The following PALS1 variants were observed in gnomAD, a reference collection of about 807,000 sequenced individuals.
PALS1 encodes protein PALS1.
A neutral mutation model predicts 78.9 loss-of-function variants in PALS1; 31 were observed. That is an observed-to-expected ratio of 0.39 (90% CI 0.30 to 0.53). The LOEUF (loss-of-function observed/expected upper bound fraction) is 0.53, where lower values mean the gene tolerates loss of function less well. Ranked by LOEUF, PALS1 falls within the 20% of genes least tolerant of loss-of-function variation. PALS1 has a pLI of 0.67. For missense variants in PALS1, 704 were observed against 826.5 expected (o/e 0.85, Z 1.82); for synonymous variants, 276 against 270.9 (o/e 1.02, Z -0.18).
intron 1 of PALS1, among the ~76,000 whole-genome samples, chr14:67,269,106 A>G (rs1452979592): frequency 2.0e-5 from 3 of 152,288 alleles, no homozygotes; most frequent in East Asian, 1.9e-4. Context: ...GATATTTCAT[A>G]AATAGAATCA....
chr14:67,271,547 G>A (rs1408456146), intron 2 of PALS1: 1 of 152,230 alleles, frequency 6.6e-6, no homozygotes, highest in African/African-American at 2.4e-5. Flanking sequence ...TAGGATTCCA[G>A]AGGACAGTGT....
Position 67,302,467 on chromosome 14 carries a change from G to A in PALS1, c.859G>A (p.Gly287Ser), listed in dbSNP as rs1458044770. The change falls in exon 7 of 15, where the codon GGT becomes AGT. Residue 287 changes from glycine (G) to serine (S), a missense_variant. By Grantham distance (56) the Gly-to-Ser change is moderately conservative (BLOSUM62 0). Transcript: ENST00000261681. The stretch of plus-strand genomic sequence containing the variant: ...CATCATTAGCCGGATAGTAAAAGGG[G>A]GTGCTGCAGAGAAAAGTGGTCTGTT... ...SVIISRIVKG[G>S]AAEKSGLLHE... 2.5e-6 allele frequency: 4 copies of A among 1,599,106 alleles called. No homozygotes were observed. In the Admixed American group the frequency reaches 6.9e-5, roughly 28 times the overall value.
intron 3 of PALS1, among the ~76,000 whole-genome samples, chr14:67,282,757 C>G (rs1044095743): frequency 6.6e-6 from 1 of 152,200 alleles, no homozygotes; most frequent in South Asian, 2.1e-4. Context: ...TGCTTTGTTA[C>G]AAATATTATT....
Position 67,306,887 on chromosome 14 carries a change from T to C in PALS1, c.1041+3288T>C, listed in dbSNP as rs1449937602. The stretch of plus-strand genomic sequence containing the variant: ...GAAATTAGAACCAATTTATTGAGTA[T>C]CATTATGGTACAGGTCAGCATCTGT... On this transcript the variant is annotated intron_variant, in intron 8 of 14. Transcript: ENST00000261681. Among the ~76,000 whole-genome samples, 2 of 152,206 alleles carry C rather than the reference T, an allele frequency of 1.3e-5. 1 individual carries two copies.
Position 67,269,764 on chromosome 14 carries a change from G to T in PALS1, c.-173G>T, listed in dbSNP as rs1470806162. ...AGAAACTAAAAGGACAGTAGAAAAGGCTTTTCCAGTTTGCATAATGTAAGT... is the reference window on the plus strand; with the variant it reads ...AGAAACTAAAAGGACAGTAGAAAAGTCTTTTCCAGTTTGCATAATGTAAGT... On this transcript the variant is annotated 5_prime_UTR_variant, in exon 2 of 15. Transcript: ENST00000261681. 6.6e-6 allele frequency: 1 copy of T among 152,598 alleles called. No individual in the cohort carries two copies. Among genetic ancestry groups the T allele is most frequent in the Non-Finnish European group, 1.5e-5 (1 of 68,036 alleles). The allele number at this position is 152,598 out of a possible 1,614,324, so 9.5% of individuals were successfully genotyped here.
rs549390014 is a variant in PALS1 at position 67,333,023 on chromosome 14, G to A, written c.*67G>A. ...AAAACTGCCAATAGGAGGACTGCCC[G>A]ACACTGCAGCAAGATTGAGGATAAG... On this transcript the variant is annotated 3_prime_UTR_variant, in exon 15 of 15. Coordinates refer to ENST00000261681, the MANE Select transcript of PALS1 (RefSeq NM_022474.4). 42 of 1,368,430 alleles carry A rather than the reference G, an allele frequency of 3.1e-5. No homozygotes were observed. In the African/African-American group the frequency reaches 4.7e-4, roughly 15 times the overall value. 84.8% of individuals were successfully genotyped at this position (1,368,430 alleles called of 1,614,324 possible).
chr14:67,308,064 A>G (rs1234884545), intron 8 of PALS1, among the ~76,000 whole-genome samples: 1 of 152,038 alleles, frequency 6.6e-6, no homozygotes, highest in Non-Finnish European at 1.5e-5. Flanking sequence ...AACAACACAC[A>G]CTAGGGTCTT....
rs772159251 is a variant in PALS1 at position 67,320,299 on chromosome 14, G to A, written c.1439G>A (p.Arg480Lys). ...TATCATCAGCCAGCAAATAGGAAGA[G>A]ACCTATCATCTTGATTGGTCCACAG... ...SLYHQPANRK[R>K]PIILIGPQNC... The change falls in exon 12 of 15, where the codon AGA becomes AAA. Residue 480 changes from arginine to lysine, a missense_variant. By Grantham distance (26) the Arg-to-Lys change is conservative (BLOSUM62 2). Transcript: ENST00000261681. 6.2e-7 allele frequency: 1 copy of A among 1,613,796 alleles called. No homozygotes were observed. Among genetic ancestry groups the A allele is most frequent in the Non-Finnish European group, 8.5e-7 (1 of 1,179,872 alleles).
At chr14:67,288,645 T>C (rs78828378) in intron 3 of PALS1, among the ~76,000 whole-genome samples, 27 of 152,224 alleles carry the variant, frequency 1.8e-4, no homozygotes, top group African/African-American at 6.3e-4. Flanking sequence ...TTAAGTGTTA[T>C]CCTATTTTGC....
chr14:67,332,727 T>A, intron 14 of PALS1, 53 bp from the exon 15 acceptor site: 3 of 1,536,968 alleles, frequency 2.0e-6, no homozygotes, highest in Non-Finnish European at 2.7e-6. Flanking sequence ...ACTCATCCTA[T>A]ATTATTTGGT....
intron 14 of PALS1, among the ~76,000 whole-genome samples, chr14:67,324,299 CAT>C (rs2085314251): frequency 6.6e-6 from 1 of 152,110 alleles, no homozygotes; most frequent in South Asian, 2.1e-4. Flanking sequence ...TAGTCCATGT[CAT>C]ATTAAACATT....
intron 14 of PALS1, among the ~76,000 whole-genome samples, chr14:67,329,376 G>A (rs993499703): frequency 1.3e-5 from 2 of 152,076 alleles, no homozygotes; most frequent in Admixed American, 6.5e-5. Flanking sequence ...GGAGATTTTG[G>A]GCTGAGACGA....
intron 3 of PALS1, among the ~76,000 whole-genome samples, chr14:67,291,379 C>T (rs983306118): frequency 2.0e-5 from 3 of 152,044 alleles, no homozygotes; most frequent in Non-Finnish European, 4.4e-5. Context: ...AGGCGCCTGC[C>T]ACTGTGCAGG....
intron 1 of PALS1, among the ~76,000 whole-genome samples, chr14:67,245,369 C>G (rs1425734561): frequency 6.6e-6 from 1 of 152,048 alleles, no homozygotes; most frequent in Non-Finnish European, 1.5e-5. Context: ...TGGGATTTTT[C>G]TTTGCATTTC....
At chr14:67,254,099 A>G (rs1409647070) in intron 1 of PALS1, 5 of 125,398 alleles carry the variant, frequency 4.0e-5, no homozygotes, top group African/African-American at 1.6e-4. Context: ...CTACAGTTCT[A>G]GTGTGGCATT....
chr14:67,325,708 A>C (rs2085342351), intron 14 of PALS1, among the ~76,000 whole-genome samples: 1 of 152,126 alleles, frequency 6.6e-6, no homozygotes, highest in South Asian at 2.1e-4. Flanking sequence ...CCACTTCCTA[A>C]CATGCACACT....
intron 8 of PALS1, chr14:67,304,100 A>G (rs2140904081): frequency 6.5e-6 from 1 of 153,490 alleles, no homozygotes; most frequent in South Asian, 2.0e-4. Flanking sequence ...AAAAGTAGAA[A>G]ATAATTTCAG....
chr14:67,260,665 G>A (rs2084220874), intron 1 of PALS1, among the ~76,000 whole-genome samples: 1 of 152,040 alleles, frequency 6.6e-6, no homozygotes, highest in Admixed American at 6.6e-5. Flanking sequence ...TTTTTTCTTG[G>A]TATAAGAAAC....
chr14:67,320,109 CA>C, intron 11 of PALS1, 120 bp from the exon 12 acceptor site: 1 of 736,876 alleles, frequency 1.4e-6, no homozygotes. Flanking sequence ...GATACCCTAG[CA>C]AGGATGTAAT....
Sources: gnomAD v4.1 joint callset for allele counts (sites outside exome capture counted in the v4.1 genomes callset) on GRCh38, gnomAD v4.1.1 for gene constraint, MANE v1.5 for transcripts, NCBI Gene and HGNC (gene_info 2026-07-23, HGNC 2026-07-21) for gene names.